Variants in GRK3 observed in about 807,000 individuals in gnomAD.
GRK3 encodes adrenergic, beta, receptor kinase 2.
Under a neutral mutation model 95.7 loss-of-function variants are expected in GRK3, and 54 were observed. That is an observed-to-expected ratio of 0.56 (90% confidence interval 0.45 to 0.71). The LOEUF is 0.71. Ranked by LOEUF, GRK3 falls within the 30% of genes least tolerant of loss-of-function variation. The pLI is 0.00. For synonymous variants in GRK3, 281 were observed against 290.8 expected (o/e 0.97, Z 0.34); for missense variants, 649 against 851.2 (o/e 0.76, Z 2.96).
In GRK3 at chr22:25,597,054, C is replaced by T. The variant is rs576231601; in HGVS notation, c.114-7323C>T. On this transcript the variant is annotated intron_variant, in intron 1 of 20. Coordinates refer to ENST00000324198, the MANE Select transcript of GRK3 (RefSeq NM_005160.4). ...TATGAATTACACATTACACACTTCC[C>T]TGCCTTTCAGAAATGTATGGTTTTA... 1.6e-3 allele frequency among the ~76,000 whole-genome samples: 244 copies of T among 152,230 alleles called. 2 individuals carry two copies. Among genetic ancestry groups the T allele is most frequent in the African/African-American group, 5.2e-3 (217 of 41,542 alleles).
At chr22:25,697,894 T>C (rs974824039) in intron 13 of GRK3, among the ~76,000 whole-genome samples, 10 of 152,180 alleles carry the variant, frequency 6.6e-5, no homozygotes, top group African/African-American at 2.4e-4. Context: ...TGCCATTCCT[T>C]CTATTGTTTG....
At position 25,711,176 on chromosome 22, in the gene GRK3, T is replaced by C; in HGVS notation, c.1491+13T>C. Reference sequence around the variant, plus strand: ...CAAAGGGATTAAGGTACACATGTGATCATTTATTTCTTTATTTTTATTTTT... The same window carrying C: ...CAAAGGGATTAAGGTACACATGTGACCATTTATTTCTTTATTTTTATTTTT... On this transcript the variant is annotated intron_variant, in intron 17 of 20. Transcript: ENST00000324198. The C allele has an allele frequency of 6.5e-7, 1 of 1,528,254 alleles. No individual in the cohort carries two copies. Among genetic ancestry groups the C allele is most frequent in the Non-Finnish European group, 8.9e-7 (1 of 1,120,050 alleles). The allele number at this position is 1,528,254 out of a possible 1,614,324, so 94.7% of individuals were successfully genotyped here.
chr22:25,583,733 G>A (rs913450114), intron 1 of GRK3, among the ~76,000 whole-genome samples: 5 of 152,130 alleles, frequency 3.3e-5, no homozygotes, highest in Non-Finnish European at 7.3e-5. Flanking sequence ...TCCTCCCAAT[G>A]AGTCTATGTA....
intron 3 of GRK3, among the ~76,000 whole-genome samples, chr22:25,657,722 A>T (rs1162541098): frequency 2.0e-5 from 3 of 152,006 alleles, no homozygotes. Flanking sequence ...ATTTTTTACC[A>T]AATCTGGGAA....
chr22:25,604,857 A>G (rs1265681854), intron 2 of GRK3, among the ~76,000 whole-genome samples: 1 of 151,880 alleles, frequency 6.6e-6, no homozygotes, highest in East Asian at 1.9e-4. Context: ...GTTCCCTAGA[A>G]CTCAATTTGT....
intron 2 of GRK3, among the ~76,000 whole-genome samples, chr22:25,626,017 G>C (rs900541182): frequency 1.3e-5 from 2 of 152,158 alleles, no homozygotes; most frequent in African/African-American, 4.8e-5. Context: ...GGTGGTAGTG[G>C]TCCCCTGGGC....
chr22:25,703,570 C>T lies in GRK3; in HGVS notation c.1221C>T (p.Leu407=), dbSNP rs2272858. ...KDKHEIDRMT[L]TVNVELPDTF... ...AGCATGAAATTGACCGAATGACACT[C>T]ACCGTGGTAAGGGGATTCAAAACTG... Residue 407 remains leucine (L), a synonymous_variant, in exon 14 of 21, where the codon CTC becomes CTT. Coordinates refer to ENST00000324198, the MANE Select transcript of GRK3 (RefSeq NM_005160.4). The T allele has an allele frequency of 1.2e-4, 190 of 1,611,176 alleles. 1 individual carries two copies. In the East Asian group the frequency reaches 4.1e-3, roughly 35 times the overall value.
At chr22:25,629,906 T>G (rs1337385230) in intron 2 of GRK3, among the ~76,000 whole-genome samples, 1 of 152,224 alleles carries the variant, frequency 6.6e-6, no homozygotes, top group Non-Finnish European at 1.5e-5. Flanking sequence ...ACCAAGTGAA[T>G]TTGGCACTTA....
chr22:25,634,420 G>A (rs1234713547), intron 2 of GRK3, among the ~76,000 whole-genome samples: 1 of 152,162 alleles, frequency 6.6e-6, no homozygotes. Context: ...AATTATATGG[G>A]AGCTAGTGTG....
In GRK3 at chr22:25,724,396, G is replaced by A. The variant is rs949994835; in HGVS notation, c.*1946G>A. ...TACCTAGGGCGTGAGCTGCACAAAC[G>A]TGTTCAGAAAGATTATTCAACTTTC... is the stretch of plus-strand genomic sequence containing the variant. On this transcript the variant is annotated 3_prime_UTR_variant, in exon 21 of 21. Coordinates refer to ENST00000324198, the MANE Select transcript of GRK3 (RefSeq NM_005160.4). 2.6e-4 allele frequency: 40 copies of A among 152,132 alleles called. No homozygotes were observed. The highest frequency in any genetic ancestry group is 9.4e-4 in the African/African-American group (39 of 41,418). 9.4% of individuals were successfully genotyped at this position (152,132 alleles called of 1,614,324 possible). A position where few individuals can be genotyped will look rare whatever the true frequency, so the allele number is the denominator to read the frequency against.
rs777759919 is a variant in GRK3 at position 25,687,637 on chromosome 22, C to T, written c.927C>T (p.His309=). The T allele has an allele frequency of 8.1e-6, 13 of 1,614,130 alleles. No homozygotes were observed. The Middle Eastern group carries it at 8.2e-4, about 102-fold the overall frequency. Residue 309 remains histidine (H), a synonymous_variant, in exon 11 of 21, where the codon CAC becomes CAT. Coordinates refer to ENST00000324198, the MANE Select transcript of GRK3 (RefSeq NM_005160.4). ...TCATTCTGGGTCTGGAACACATGCA[C>T]AATCGGTTTGTTGTCTACAGAGATT... ...TEIILGLEHM[H]NRFVVYRDLK... is the part of the protein sequence containing the mutation.
At chr22:25,594,684 C>T (rs184821642) in intron 1 of GRK3, among the ~76,000 whole-genome samples, 37 of 152,242 alleles carry the variant, frequency 2.4e-4, no homozygotes, top group Admixed American at 2.3e-3. Context: ...CGAGACCATC[C>T]TGGCTAACAT....
At chr22:25,592,465 A>T (rs1932525970) in intron 1 of GRK3, among the ~76,000 whole-genome samples, 1 of 152,118 alleles carries the variant, frequency 6.6e-6, no homozygotes, top group Non-Finnish European at 1.5e-5. Context: ...CAGGAGCAGC[A>T]GTTTTTAATT....
In GRK3 at chr22:25,687,595, G is replaced by GT; in HGVS notation, c.889dup (p.Tyr297LeufsTer4). On this transcript the variant is annotated frameshift_variant, in exon 11 of 21. Transcript: ENST00000324198. LOFTEE classifies it high-confidence loss of function. ...GTGTGTTCTCTGAGAAGGAGATGCG[G>GT]TTTTATGCCACTGAAATCATTCTGG... 1 of 1,614,144 alleles carries GT rather than the reference G, an allele frequency of 6.2e-7. No individual in the cohort carries two copies. The highest frequency in any genetic ancestry group is 8.5e-7 in the Non-Finnish European group (1 of 1,179,970).
intron 9 of GRK3, 118 bp from the exon 10 acceptor site, chr22:25,685,052 G>T: frequency 1.5e-6 from 1 of 671,018 alleles, no homozygotes; most frequent in Non-Finnish European, 2.6e-6. Context: ...ATGTACAATT[G>T]CAATGTGTCA....
At chr22:25,631,640 C>T (rs2084664892) in intron 2 of GRK3, among the ~76,000 whole-genome samples, 2 of 152,150 alleles carry the variant, frequency 1.3e-5, no homozygotes, top group Admixed American at 6.5e-5. Context: ...ATCTACAATT[C>T]TGTGAGTTTT....
chr22:25,573,770 G>C (rs1184563883), intron 1 of GRK3, among the ~76,000 whole-genome samples: 1 of 152,076 alleles, frequency 6.6e-6, no homozygotes, highest in Non-Finnish European at 1.5e-5. Context: ...ATGGTGGCAG[G>C]CACCCACAAT....
chr22:25,625,261 A>G (rs2084618846), intron 2 of GRK3, among the ~76,000 whole-genome samples: 1 of 152,218 alleles, frequency 6.6e-6, no homozygotes, highest in Non-Finnish European at 1.5e-5. Flanking sequence ...ATCATTAATC[A>G]TTAGTTTGTA....
At chr22:25,694,978 G>A in intron 12 of GRK3, 129 bp from the exon 13 acceptor site, 1 of 602,544 alleles carries the variant, frequency 1.7e-6, no homozygotes, top group Non-Finnish European at 3.0e-6. Flanking sequence ...TTGCGGTGAA[G>A]CACAACTGTC....
Sources: gnomAD v4.1 joint callset for allele counts (sites outside exome capture counted in the v4.1 genomes callset) on GRCh38, gnomAD v4.1.1 for gene constraint, MANE v1.5 for transcripts, NCBI Gene and HGNC (gene_info 2026-07-23, HGNC 2026-07-21) for gene names.